Variants in TOP2B observed in about 807,000 individuals in gnomAD.
TOP2B encodes DNA topoisomerase 2-beta.
A neutral mutation model predicts 193.5 loss-of-function variants in TOP2B; 51 were observed. The ratio of observed to expected loss-of-function variants is 0.26; its 90% CI spans 0.21 to 0.33. TOP2B has a LOEUF of 0.33. TOP2B is among the 10% of genes least tolerant of loss of function. The pLI, the probability that TOP2B is intolerant of heterozygous loss-of-function variation, is 1.00. For synonymous variants in TOP2B, 634 were observed against 635.7 expected (o/e 1.00, Z 0.04); for missense variants, 1,378 against 1,909.3 (o/e 0.72, Z 5.19).
chr3:25,636,793 T>A (rs1703118945), intron 6 of TOP2B, among the ~76,000 whole-genome samples: 2 of 151,962 alleles, frequency 1.3e-5, no homozygotes, highest in Non-Finnish European at 2.9e-5. Context: ...ATAAAGAAAA[T>A]TTAAAATAAA....
chr3:25,646,158 G>A (rs1447450847), intron 1 of TOP2B, among the ~76,000 whole-genome samples: 2 of 151,992 alleles, frequency 1.3e-5, no homozygotes, highest in Non-Finnish European at 2.9e-5. Context: ...ACCTGGCTAG[G>A]TGCAGGAGCC....
chr3:25,599,545 A>T lies in TOP2B; in HGVS notation c.4616-16T>A, dbSNP rs1008940596. ...CGGCCTTTACCTTAAAATGATACAAAAGGTTTTTTCTTCCGTGGTTAAGTG... is the reference window on the plus strand; with the variant it reads ...CGGCCTTTACCTTAAAATGATACAATAGGTTTTTTCTTCCGTGGTTAAGTG... On this transcript the variant is annotated splice_polypyrimidine_tract_variant and intron_variant, in intron 34 of 35. Coordinates refer to ENST00000264331, the MANE Select transcript of TOP2B (RefSeq NM_001330700.2). 25 of 1,603,630 alleles carry T rather than the reference A, an allele frequency of 1.6e-5. No individual in the cohort carries two copies. The highest frequency in any genetic ancestry group is 1.9e-5 in the Non-Finnish European group (22 of 1,175,026).
chr3:25,604,712 TTAAC>T (rs1702192355), intron 33 of TOP2B, 44 bp downstream of exon 33: 1 of 1,372,606 alleles, frequency 7.3e-7, no homozygotes, highest in South Asian at 1.3e-5. Context: ...TCCTTTTACA[TTAAC>T]TATCTCTATC....
intron 34 of TOP2B, among the ~76,000 whole-genome samples, chr3:25,599,943 TA>T (rs1311157164): frequency 5.3e-5 from 8 of 152,214 alleles, no homozygotes; most frequent in African/African-American, 1.7e-4. Flanking sequence ...CACAAATTAC[TA>T]AAAAATGTAA....
intron 33 of TOP2B, 136 bp from the exon 34 acceptor site, chr3:25,601,361 T>C (rs1559489650): frequency 1.9e-6 from 2 of 1,072,376 alleles, no homozygotes; most frequent in Non-Finnish European, 2.6e-6. Context: ...CTCACACCTG[T>C]AATGCCAGCA....
In TOP2B at chr3:25,638,197, C is replaced by A; in HGVS notation, c.509G>T (p.Ser170Ile). The A allele has an allele frequency of 6.4e-7, 1 of 1,566,794 alleles. No homozygotes were observed. Among genetic ancestry groups the A allele is most frequent in the Non-Finnish European group, 8.7e-7 (1 of 1,154,298 alleles). Residue 170 changes from serine to isoleucine, a missense_variant, in exon 5 of 36, where the codon AGT (serine) becomes ATT (isoleucine). Physicochemically the swap from Ser to Ile is moderately radical, Grantham distance 142. Around this residue, in one of 9 missense-constraint regions of TOP2B, gnomAD observed 9 missense variants for 36.6 expected, o/e 0.25. Transcript: ENST00000264331. The part of the protein sequence containing the change: ...ALIFGQLLTS[S>I]NYDDDEKKVT... ...TTTTTTCTCATCATCATCATAGTTA[C>A]TGGATGTTAAAAGCTGTCCAAAAAT...
intron 28 of TOP2B, among the ~76,000 whole-genome samples, chr3:25,610,893 G>C (rs1018559555): frequency 6.6e-6 from 1 of 152,174 alleles, no homozygotes; most frequent in African/African-American, 2.4e-5. Flanking sequence ...ACCAAGATAA[G>C]GGGGTGGATT....
rs1703388491 is a variant in TOP2B, at chr3:25,645,415, T to C, written c.125A>G (p.Lys42Arg). 6.2e-7 allele frequency: 1 copy of C among 1,613,728 alleles called. No individual in the cohort carries two copies. Among genetic ancestry groups the C allele is most frequent in the Non-Finnish European group, 8.5e-7 (1 of 1,179,834 alleles). ...AGACAACTTCTTTGAAGAATCATTT[T>C]TGTTGGCAGTTTCTGACTCTTCTTT... Reference protein sequence around the residue: ...AKKEESETANKNDSSKKLSVE... With the variant: ...AKKEESETANRNDSSKKLSVE... The change falls in exon 2 of 36, where the codon AAA becomes AGA. Residue 42 changes from lysine to arginine, a missense_variant. Physicochemically the swap from Lys to Arg is conservative, Grantham distance 26 (BLOSUM62 2). Coordinates refer to ENST00000264331, the MANE Select transcript of TOP2B (RefSeq NM_001330700.2).
chr3:25,636,296 G>C, intron 6 of TOP2B, 148 bp from the exon 7 acceptor site: 1 of 595,696 alleles, frequency 1.7e-6, no homozygotes, highest in South Asian at 2.7e-5. Flanking sequence ...TAATATTACA[G>C]ACAAAAAAAA....
Position 25,618,775 on chromosome 3 carries a change from T to C in TOP2B, c.3138A>G (p.Leu1046=), listed in dbSNP as rs764179576. 2.7e-5 allele frequency: 43 copies of C among 1,612,816 alleles called. No homozygotes were observed. The South Asian group carries it at 4.3e-4, about 16-fold the overall frequency. Residue 1046 remains leucine, a synonymous_variant, in exon 24 of 36, where the codon TTA becomes TTG. Coordinates refer to ENST00000264331, the MANE Select transcript of TOP2B (RefSeq NM_001330700.2). ...VQDILKEFFD[L]RLSYYGLRKE... Reference sequence around the variant, plus strand: ...TACGTAAACCGTAATAACTTAATCGTAAATCAAAGAATTCTTTCAGAATGT... The same window carrying C: ...TACGTAAACCGTAATAACTTAATCGCAAATCAAAGAATTCTTTCAGAATGT...
chr3:25,632,200 A>T (rs76652738), intron 10 of TOP2B, among the ~76,000 whole-genome samples: 1 of 152,074 alleles, frequency 6.6e-6, no homozygotes, highest in Non-Finnish European at 1.5e-5. Flanking sequence ...ACAATGGTCA[A>T]TACAAAGCTA....
chr3:25,609,976 G>T (rs1034331630), intron 28 of TOP2B, among the ~76,000 whole-genome samples: 1 of 152,062 alleles, frequency 6.6e-6, no homozygotes. Context: ...TAAGAAGGCA[G>T]CTTTTGATTA....
At chr3:25,622,978 A>G (rs1702700414) in intron 21 of TOP2B, among the ~76,000 whole-genome samples, 1 of 151,936 alleles carries the variant, frequency 6.6e-6, no homozygotes, top group Admixed American at 6.6e-5. Context: ...GAGTTTCCCC[A>G]TGTTGGTCAG....
rs1264582211 is a variant in TOP2B at position 25,654,800 on chromosome 3, C to T, written c.70-9330G>A. 4.6e-5 allele frequency among the ~76,000 whole-genome samples: 7 copies of T among 151,826 alleles called. No homozygotes were observed. In the South Asian group the frequency reaches 1.5e-3, roughly 32 times the overall value. ...GCCAAATGATTTTTCACAAGAATGC[C>T]AAGACTACACAGTGGGGAAAGGACA... On this transcript the variant is annotated intron_variant, in intron 1 of 35. Coordinates refer to ENST00000264331, the MANE Select transcript of TOP2B (RefSeq NM_001330700.2).
At chr3:25,650,256 C>G (rs920496826) in intron 1 of TOP2B, among the ~76,000 whole-genome samples, 5 of 152,220 alleles carry the variant, frequency 3.3e-5, no homozygotes, top group Non-Finnish European at 7.3e-5. Flanking sequence ...TTTCTCAAAA[C>G]ACTCTTATAA....
At chr3:25,600,435 T>C (rs922216642) in intron 34 of TOP2B, among the ~76,000 whole-genome samples, 2 of 152,200 alleles carry the variant, frequency 1.3e-5, no homozygotes, top group African/African-American at 4.8e-5. Context: ...CCAGTCACTG[T>C]GATTCTTTTC....
intron 10 of TOP2B, 64 bp downstream of exon 10, chr3:25,632,382 A>T: frequency 7.3e-7 from 1 of 1,376,094 alleles, no homozygotes; most frequent in Non-Finnish European, 9.8e-7. Context: ...AAATAAAGTA[A>T]ATCAAGAAAA....
At chr3:25,634,792 A>C (rs1028450978) in intron 7 of TOP2B, among the ~76,000 whole-genome samples, 5 of 78,770 alleles carry the variant, frequency 6.3e-5, no homozygotes, top group African/African-American at 9.7e-5. Context: ...AAAAAAAAAA[A>C]AAAAACCAAA....
chr3:25,633,593 A>T (rs1703020482), intron 8 of TOP2B, among the ~76,000 whole-genome samples: 1 of 152,166 alleles, frequency 6.6e-6, no homozygotes, highest in South Asian at 2.1e-4. Context: ...GTTATTCTAA[A>T]TTTCATAAAA....
Sources: allele counts gnomAD v4.1 joint callset (sites outside exome capture counted in the v4.1 genomes callset), GRCh38; gene constraint gnomAD v4.1.1; regional missense constraint gnomAD v4.1.1; transcripts MANE v1.5; gene names NCBI Gene and HGNC (gene_info 2026-07-23, HGNC 2026-07-21).